ANAPC10: variants seen among roughly 807,000 people sequenced by gnomAD.
ANAPC10 encodes anaphase-promoting complex subunit 10.
ANAPC10 carries 12 observed loss-of-function variants against 22.0 expected under a neutral mutation model. That is an observed-to-expected ratio of 0.55 (90% confidence interval 0.35 to 0.88). ANAPC10 has a LOEUF of 0.88. Ranked by LOEUF, ANAPC10 falls within the 40% of genes least tolerant of loss-of-function variation. ANAPC10 has a pLI of 0.01. For missense variants in ANAPC10, 188 were observed against 220.9 expected (o/e 0.85, Z 0.94); for synonymous variants, 65 against 69.5 (o/e 0.94, Z 0.32).
chr4:145,040,494 C>T (rs1020976040), intron 4 of ANAPC10, among the ~76,000 whole-genome samples: 2 of 152,192 alleles, frequency 1.3e-5, no homozygotes, highest in South Asian at 4.1e-4. Flanking sequence ...ATTTTAATGG[C>T]TTTGCTCCTT....
Position 145,002,678 on chromosome 4 carries a change from A to T in ANAPC10, c.328-7075T>A, listed in dbSNP as rs984517946. ...AAAGAACAATTTTATCAAAAGCCCAAGATAGTAAACACATTTTAAGAAGAA... is the reference window on the plus strand; with the variant it reads ...AAAGAACAATTTTATCAAAAGCCCATGATAGTAAACACATTTTAAGAAGAA... On this transcript the variant is annotated intron_variant, in intron 4 of 4. Coordinates refer to ENST00000507656, the MANE Select transcript of ANAPC10 (RefSeq NM_001256706.2). 4.6e-5 allele frequency among the ~76,000 whole-genome samples: 7 copies of T among 152,304 alleles called. No homozygotes were observed. In the South Asian group the frequency reaches 1.5e-3, roughly 32 times the overall value.
chr4:145,056,348 A>C (rs1036573070), intron 4 of ANAPC10, among the ~76,000 whole-genome samples: 10 of 152,162 alleles, frequency 6.6e-5, no homozygotes, highest in Non-Finnish European at 1.0e-4. Flanking sequence ...GTTACCCTAT[A>C]TGGTCTAAAA....
Position 144,994,761 on chromosome 4 carries a change from T to C in ANAPC10, c.*612A>G. 6.6e-6 allele frequency: 1 copy of C among 152,106 alleles called. No homozygotes were observed. Among genetic ancestry groups the C allele is most frequent in the South Asian group, 2.1e-4 (1 of 4,836 alleles). The allele number at this position is 152,106 out of a possible 1,614,324, so 9.4% of individuals were successfully genotyped here. ...ACAGGCAATCTTTACATAATATCATTAGGATACAGACAACCCTAGGGCTGT... is the reference window on the plus strand; with the variant it reads ...ACAGGCAATCTTTACATAATATCATCAGGATACAGACAACCCTAGGGCTGT... On this transcript the variant is annotated 3_prime_UTR_variant, in exon 5 of 5. Coordinates refer to ENST00000507656, the MANE Select transcript of ANAPC10 (RefSeq NM_001256706.2).
chr4:145,054,802 C>G (rs543816121), intron 4 of ANAPC10, among the ~76,000 whole-genome samples: 176 of 152,190 alleles, frequency 1.2e-3, no homozygotes, highest in African/African-American at 3.9e-3. Flanking sequence ...ACCCCAGCCA[C>G]TTGCTCAAGT....
intron 4 of ANAPC10, among the ~76,000 whole-genome samples, chr4:145,001,235 G>A (rs893154317): frequency 7.0e-5 from 9 of 127,808 alleles, no homozygotes; most frequent in African/African-American, 2.7e-4. Context: ...AGGGAAGGAG[G>A]GAGTGAGGGA....
At chr4:145,012,321 T>C (rs1365965887) in intron 4 of ANAPC10, among the ~76,000 whole-genome samples, 1 of 151,706 alleles carries the variant, frequency 6.6e-6, no homozygotes, top group Non-Finnish European at 1.5e-5. Flanking sequence ...ATGTTTTGAA[T>C]ACACAAGGTT....
chr4:145,054,661 G>A (rs554538937), intron 4 of ANAPC10, among the ~76,000 whole-genome samples: 2 of 148,310 alleles, frequency 1.3e-5, no homozygotes, highest in African/African-American at 2.5e-5. Flanking sequence ...GCGCGTGCGT[G>A]CAGCGCATGT....
At chr4:145,065,227 T>C (rs1478789535) in intron 3 of ANAPC10, among the ~76,000 whole-genome samples, 1 of 151,950 alleles carries the variant, frequency 6.6e-6, no homozygotes, top group Non-Finnish European at 1.5e-5. Context: ...TTTCTTTCTT[T>C]TGCTATTGAT....
intron 4 of ANAPC10, among the ~76,000 whole-genome samples, chr4:144,998,844 T>G (rs1017642048): frequency 1.9e-4 from 29 of 151,566 alleles, no homozygotes; most frequent in African/African-American, 4.8e-4. Context: ...TTTTTGAAAA[T>G]ATCAACAAAA....
chr4:145,096,923 A>G (rs1391370773), intron 1 of ANAPC10, among the ~76,000 whole-genome samples: 2 of 151,986 alleles, frequency 1.3e-5, no homozygotes, highest in Non-Finnish European at 2.9e-5. Context: ...CAAAAGTTTT[A>G]TTTAAGACCC....
chr4:145,043,607 T>C (rs1445844356), intron 4 of ANAPC10, among the ~76,000 whole-genome samples: 2 of 152,280 alleles, frequency 1.3e-5, no homozygotes, highest in South Asian at 4.1e-4. Context: ...TTAGGTGAAA[T>C]ATACCATCAA....
intron 3 of ANAPC10, among the ~76,000 whole-genome samples, chr4:145,069,149 A>G (rs940909561): frequency 2.6e-5 from 4 of 152,206 alleles, no homozygotes; most frequent in Admixed American, 1.3e-4. Flanking sequence ...AATACTGGAG[A>G]ACATATCTGA....
chr4:145,024,979 C>T (rs1477435310), intron 4 of ANAPC10, among the ~76,000 whole-genome samples: 2 of 152,200 alleles, frequency 1.3e-5, no homozygotes, highest in Non-Finnish European at 2.9e-5. Context: ...GCTACAGCTC[C>T]TCCATCAGCA....
rs547978411 is a variant in ANAPC10, at chr4:145,040,006, G to GC, written c.327+24565dup. On this transcript the variant is annotated intron_variant, in intron 4 of 4. Coordinates refer to ENST00000507656, the MANE Select transcript of ANAPC10 (RefSeq NM_001256706.2). ...TCAAACTCCAGCAGATGACTCCAAAGCCCATGCTCTTGGATCTTTAACAAC... is the reference window on the plus strand; with the variant it reads ...TCAAACTCCAGCAGATGACTCCAAAGCCCCATGCTCTTGGATCTTTAACAAC... Among the ~76,000 whole-genome samples the GC allele has an allele frequency of 1.6e-3, 236 of 152,242 alleles. 1 individual carries two copies. The highest frequency in any genetic ancestry group is 3.5e-3 in the Admixed American group (54 of 15,284).
chr4:145,002,418 T>C (rs548931239), intron 4 of ANAPC10, among the ~76,000 whole-genome samples: 2 of 152,234 alleles, frequency 1.3e-5, no homozygotes, highest in South Asian at 4.1e-4. Context: ...AAAGTCAAAA[T>C]CAGTCCCCCT....
At chr4:145,094,073 T>C (rs1031486788) in intron 2 of ANAPC10, among the ~76,000 whole-genome samples, 1 of 152,192 alleles carries the variant, frequency 6.6e-6, no homozygotes, top group South Asian at 2.1e-4. Flanking sequence ...AAGGCAAGGA[T>C]AACTGGGGAC....
intron 4 of ANAPC10, among the ~76,000 whole-genome samples, chr4:145,028,072 G>T (rs1456434810): frequency 5.3e-5 from 8 of 152,174 alleles, no homozygotes; most frequent in African/African-American, 1.9e-4. Flanking sequence ...AGGGGAAGCT[G>T]AAAGAGCTGT....
At chr4:145,003,976 G>C (rs1732966368) in intron 4 of ANAPC10, among the ~76,000 whole-genome samples, 2 of 152,048 alleles carry the variant, frequency 1.3e-5, no homozygotes, top group Admixed American at 6.6e-5. Context: ...CATGAGCCTG[G>C]AAGGTTTTTC....
chr4:145,012,150 C>G (rs1321910543), intron 4 of ANAPC10, among the ~76,000 whole-genome samples: 1 of 147,292 alleles, frequency 6.8e-6, no homozygotes, highest in African/African-American at 2.5e-5. Flanking sequence ...GCCACAATTA[C>G]AAGCTATATG....
Sources: allele counts gnomAD v4.1 joint callset (sites outside exome capture counted in the v4.1 genomes callset), GRCh38; gene constraint gnomAD v4.1.1; transcripts MANE v1.5; gene names NCBI Gene and HGNC (gene_info 2026-07-23, HGNC 2026-07-21).